SPOCK3: variants seen among roughly 807,000 people sequenced by gnomAD.
The protein encoded by SPOCK3 is testican-3.
Under a neutral mutation model 56.6 loss-of-function variants are expected in SPOCK3, and 30 were observed. The ratio of observed to expected loss-of-function variants is 0.53; its 90% CI spans 0.40 to 0.72. The LOEUF is 0.72. SPOCK3 is among the 30% of genes least tolerant of loss of function. The pLI is 0.00. For synonymous variants in SPOCK3, 196 were observed against 183.3 expected (o/e 1.07, Z -0.56); for missense variants, 527 against 530.0 (o/e 0.99, Z 0.06).
At chr4:167,178,708 C>A (rs72975548) in intron 2 of SPOCK3, among the ~76,000 whole-genome samples, 2 of 151,746 alleles carry the variant, frequency 1.3e-5, no homozygotes, top group African/African-American at 2.4e-5. Flanking sequence ...ACATACTGAG[C>A]AAAAGATTTT....
intron 3 of SPOCK3, among the ~76,000 whole-genome samples, chr4:167,055,217 A>ACAT (rs1754665889): frequency 2.0e-5 from 3 of 152,350 alleles, no homozygotes; most frequent in Admixed American, 6.5e-5. Context: ...TAATTCAGTG[A>ACAT]AAAATATGGT....
chr4:167,036,917 C>T (rs13113307), intron 3 of SPOCK3, among the ~76,000 whole-genome samples: 54,807 of 151,878 alleles, frequency 0.36, 12,230 homozygotes, highest in African/African-American at 0.63. Flanking sequence ...ACTCTCGAGA[C>T]CACATAGAGT....
At chr4:167,094,854 A>T (rs1759013935) in intron 2 of SPOCK3, among the ~76,000 whole-genome samples, 1 of 152,128 alleles carries the variant, frequency 6.6e-6, no homozygotes, top group African/African-American at 2.4e-5. Context: ...AAAGACACAG[A>T]GAGAAAGAGA....
intron 2 of SPOCK3, among the ~76,000 whole-genome samples, chr4:167,184,984 C>T (rs1731825867): frequency 6.6e-6 from 1 of 152,128 alleles, no homozygotes; most frequent in South Asian, 2.1e-4. Context: ...CCCCCTGCCC[C>T]TCCCTATTTC....
chr4:166,942,962 T>A (rs1741281089), intron 4 of SPOCK3, among the ~76,000 whole-genome samples: 1 of 152,218 alleles, frequency 6.6e-6, no homozygotes, highest in African/African-American at 2.4e-5. Flanking sequence ...GGAGAAAATG[T>A]GTGCATATAT....
At chr4:167,221,805 A>G (rs1284282873) in intron 2 of SPOCK3, among the ~76,000 whole-genome samples, 1 of 152,202 alleles carries the variant, frequency 6.6e-6, no homozygotes, top group Non-Finnish European at 1.5e-5. Context: ...AATGTAAATT[A>G]ACAAGTGTTA....
intron 2 of SPOCK3, among the ~76,000 whole-genome samples, chr4:167,201,086 A>G (rs1733471658): frequency 6.6e-6 from 1 of 152,072 alleles, no homozygotes; most frequent in South Asian, 2.1e-4. Context: ...CATGATGGAT[A>G]GAAAAACAGG....
chr4:166,818,415 T>G (rs1214974428), intron 6 of SPOCK3, among the ~76,000 whole-genome samples: 1 of 152,058 alleles, frequency 6.6e-6, no homozygotes, highest in Non-Finnish European at 1.5e-5. Flanking sequence ...ACTAGCATTA[T>G]AGTAAAAACA....
intron 2 of SPOCK3, among the ~76,000 whole-genome samples, chr4:167,083,040 A>G (rs1482350801): frequency 6.6e-6 from 1 of 152,064 alleles, no homozygotes; most frequent in African/African-American, 2.4e-5. Context: ...ATCTTAAAGA[A>G]CATTCATTTC....
At chr4:167,060,862 A>T (rs1333772056) in intron 3 of SPOCK3, among the ~76,000 whole-genome samples, 3 of 152,058 alleles carry the variant, frequency 2.0e-5, no homozygotes, top group Non-Finnish European at 4.4e-5. Flanking sequence ...AACTGCTTTC[A>T]ATATCTTAAC....
intron 6 of SPOCK3, among the ~76,000 whole-genome samples, chr4:166,848,702 G>A (rs987644319): frequency 3.3e-5 from 5 of 152,260 alleles, no homozygotes; most frequent in East Asian, 3.9e-4. Flanking sequence ...AATGTGAGGC[G>A]CTTGTGCAGG....
At position 167,053,746 on chromosome 4, in the gene SPOCK3, A is replaced by G. The variant is rs548505731; in HGVS notation, c.235+8746T>C. On this transcript the variant is annotated intron_variant, in intron 3 of 10. Coordinates refer to ENST00000357545, the MANE Select transcript of SPOCK3 (RefSeq NM_001040159.2). ...AAGAGAATTAACTGCAATCTAATGA[A>G]CCAGTAGATGTTAGGCTGCCCTTCC... 2.0e-5 allele frequency among the ~76,000 whole-genome samples: 3 copies of G among 152,220 alleles called. No homozygotes were observed. The South Asian group carries it at 6.2e-4, about 32-fold the overall frequency.
At position 167,084,554 on chromosome 4, in the gene SPOCK3, T is replaced by C. The variant is rs757572563; in HGVS notation, c.190-22017A>G. 2.0e-5 allele frequency among the ~76,000 whole-genome samples: 3 copies of C among 152,094 alleles called. No individual in the cohort carries two copies. The South Asian group carries it at 6.2e-4, about 31-fold the overall frequency. On this transcript the variant is annotated intron_variant, in intron 2 of 10. Coordinates refer to ENST00000357545, the MANE Select transcript of SPOCK3 (RefSeq NM_001040159.2). ...CTGCTTTTGCAACAGCCCTTATGTA[T>C]GTGGAGTGTAGCCGAAAAGGTCATA...
At chr4:167,029,286 C>T (rs969960535) in intron 3 of SPOCK3, among the ~76,000 whole-genome samples, 1 of 150,840 alleles carries the variant, frequency 6.6e-6, no homozygotes, top group Non-Finnish European at 1.5e-5. Context: ...TTGGCTGAAA[C>T]ATTTTGGGCT....
Position 166,851,169 on chromosome 4 carries a change from C to T in SPOCK3, c.589+37961G>A, listed in dbSNP as rs562476846. Among the ~76,000 whole-genome samples the T allele has an allele frequency of 2.3e-4, 35 of 152,318 alleles. 1 individual carries two copies. Among genetic ancestry groups the T allele is most frequent in the South Asian group, 1.9e-3 (9 of 4,832 alleles). Reference sequence around the variant, plus strand: ...AAGTGGGTCCCTAACCCCTGACCCCCGAGCAGCCTAACTGGGAGGCACTCC... The same window carrying T: ...AAGTGGGTCCCTAACCCCTGACCCCTGAGCAGCCTAACTGGGAGGCACTCC... On this transcript the variant is annotated intron_variant, in intron 6 of 10. Transcript: ENST00000357545.
intron 3 of SPOCK3, among the ~76,000 whole-genome samples, chr4:167,059,759 C>G (rs1323079549): frequency 6.6e-6 from 1 of 152,098 alleles, no homozygotes; most frequent in East Asian, 1.9e-4. Context: ...ACCCAAATGT[C>G]CAACAATGAT....
chr4:166,997,178 G>C (rs1748472946), intron 4 of SPOCK3, among the ~76,000 whole-genome samples: 2 of 151,936 alleles, frequency 1.3e-5, no homozygotes, highest in South Asian at 4.2e-4. Flanking sequence ...TAGGGGGAGG[G>C]AGAGCATCAA....
chr4:167,217,380 T>G (rs1207434173), intron 2 of SPOCK3, among the ~76,000 whole-genome samples: 15 of 152,022 alleles, frequency 9.9e-5, no homozygotes, highest in Non-Finnish European at 4.4e-5. Context: ...TTCTTGGTAT[T>G]TTTTCCTAAA....
chr4:167,217,129 G>T (rs1441259792), intron 2 of SPOCK3, among the ~76,000 whole-genome samples: 1 of 152,018 alleles, frequency 6.6e-6, no homozygotes, highest in African/African-American at 2.4e-5. Context: ...TTTTATTAAT[G>T]AATGTAAACT....
Sources: gnomAD v4.1 joint callset for allele counts (sites outside exome capture counted in the v4.1 genomes callset) on GRCh38, gnomAD v4.1.1 for gene constraint, MANE v1.5 for transcripts, NCBI Gene and HGNC (gene_info 2026-07-23, HGNC 2026-07-21) for gene names.